Variants in FSD1L observed in about 807,000 individuals in gnomAD.
FSD1L encodes the protein fibronectin type III and SPRY domain containing 1 like.
A neutral mutation model predicts 71.6 loss-of-function variants in FSD1L; 45 were observed. The ratio of observed to expected loss-of-function variants is 0.63; its 90% CI spans 0.49 to 0.81. The LOEUF is 0.81. Among genes scored for constraint, FSD1L ranks in the 30% least tolerant of loss-of-function variants. The pLI is 0.00. For synonymous variants in FSD1L, 197 were observed against 207.2 expected (o/e 0.95, Z 0.42); for missense variants, 561 against 618.1 (o/e 0.91, Z 0.98).
chr9:105,466,199 A>G (rs901434652), intron 3 of FSD1L, among the ~76,000 whole-genome samples: 2 of 152,224 alleles, frequency 1.3e-5, no homozygotes, highest in South Asian at 2.1e-4. Context: ...AAAGATCTGT[A>G]TACTGAAAGC....
intron 7 of FSD1L, among the ~76,000 whole-genome samples, chr9:105,496,713 A>G (rs534375692): frequency 1.3e-5 from 2 of 152,364 alleles, no homozygotes; most frequent in East Asian, 1.9e-4. Flanking sequence ...TATACAGGAA[A>G]GTGGTAGGCC....
At chr9:105,488,272 A>G (rs1011155614) in intron 7 of FSD1L, among the ~76,000 whole-genome samples, 2 of 152,240 alleles carry the variant, frequency 1.3e-5, no homozygotes, top group African/African-American at 4.8e-5. Context: ...AGTTGGAATC[A>G]TATAGTAAGT....
chr9:105,502,731 A>G (rs75564606), intron 7 of FSD1L, among the ~76,000 whole-genome samples: 3,782 of 152,164 alleles, frequency 0.025, 174 homozygotes, highest in African/African-American at 0.087. Context: ...GGCTTTCAAC[A>G]ATGGCTTAAC....
intron 7 of FSD1L, among the ~76,000 whole-genome samples, chr9:105,499,760 T>A (rs144120988): frequency 1.4e-3 from 220 of 152,028 alleles, no homozygotes; most frequent in African/African-American, 4.6e-3. Context: ...CATTATTGTT[T>A]CAAATATATC....
At chr9:105,494,580 G>A (rs535694311) in intron 7 of FSD1L, among the ~76,000 whole-genome samples, 3 of 152,230 alleles carry the variant, frequency 2.0e-5, no homozygotes, top group African/African-American at 4.8e-5. Flanking sequence ...AGGCGCTCTG[G>A]TTTTTAGAGT....
In FSD1L at chr9:105,509,604, G is replaced by A. The variant is rs1284966898; in HGVS notation, c.895+889G>A. Among the ~76,000 whole-genome samples, 7 of 151,948 alleles carry A rather than the reference G, an allele frequency of 4.6e-5. No homozygotes were observed. The East Asian group carries it at 1.2e-3, about 25-fold the overall frequency. On this transcript the variant is annotated intron_variant, in intron 9 of 13. Transcript: ENST00000481272. ...AGCATTTGAATAGGTTTACCTGCCAGAAATTTGATTGGATTTGGAGGATGA... is the reference window on the plus strand; with the variant it reads ...AGCATTTGAATAGGTTTACCTGCCAAAAATTTGATTGGATTTGGAGGATGA...
At chr9:105,519,986 G>A (rs1049542477) in intron 10 of FSD1L, 61 of 1,371,184 alleles carry the variant, frequency 4.4e-5, no homozygotes, top group Non-Finnish European at 5.8e-5. Flanking sequence ...GGATCGGGGA[G>A]GAGTCGGCTC....
intron 10 of FSD1L, chr9:105,520,868 T>C (rs1835103520): frequency 6.2e-7 from 1 of 1,612,070 alleles, no homozygotes; most frequent in Admixed American, 1.7e-5. Flanking sequence ...GGCAAGAAGA[T>C]CTCACAAGCT....
intron 5 of FSD1L, among the ~76,000 whole-genome samples, chr9:105,478,100 C>T (rs773253901): frequency 1.3e-5 from 2 of 152,080 alleles, no homozygotes; most frequent in South Asian, 4.2e-4. Context: ...AAAAAATTTG[C>T]CGGGCGTGGT....
chr9:105,466,809 A>T (rs1831112374), intron 3 of FSD1L, among the ~76,000 whole-genome samples: 2 of 152,200 alleles, frequency 1.3e-5, no homozygotes, highest in Admixed American at 1.3e-4. Flanking sequence ...TGATCTGTGG[A>T]CAAGCGAATC....
chr9:105,524,162 A>G, intron 10 of FSD1L: 1 of 1,612,260 alleles, frequency 6.2e-7, no homozygotes, highest in Non-Finnish European at 8.5e-7. Context: ...GGATTTGTGA[A>G]GAACTAGTCC....
intron 10 of FSD1L, among the ~76,000 whole-genome samples, chr9:105,516,246 G>A (rs1834712831): frequency 6.6e-6 from 1 of 152,160 alleles, no homozygotes. Flanking sequence ...CTGGGGGAAG[G>A]GGCAACTGTG....
chr9:105,442,448 G>A, the FSD1L span, among the ~76,000 whole-genome samples: 2 of 152,046 alleles, frequency 1.3e-5, no homozygotes, highest in Non-Finnish European at 2.9e-5. Flanking sequence ...GGAGGCCAAG[G>A]TGGGCAGATT....
At chr9:105,481,453 T>TTG (rs1169305524) in intron 6 of FSD1L, among the ~76,000 whole-genome samples, 75 of 145,916 alleles carry the variant, frequency 5.1e-4, no homozygotes, top group African/African-American at 1.4e-3. Flanking sequence ...CCCAGCTAAT[T>TTG]TGTGTGTGTG....
At chr9:105,536,686 A>G (rs1470870535) in intron 12 of FSD1L, among the ~76,000 whole-genome samples, 1 of 151,936 alleles carries the variant, frequency 6.6e-6, no homozygotes, top group Non-Finnish European at 1.5e-5. Flanking sequence ...TCCAGGCTGG[A>G]GTGCAGTGGC....
At chr9:105,492,759 C>T (rs777444291) in intron 7 of FSD1L, among the ~76,000 whole-genome samples, 1 of 151,988 alleles carries the variant, frequency 6.6e-6, no homozygotes, top group Non-Finnish European at 1.5e-5. Context: ...TGTTATGTAC[C>T]CAGTAGTCAT....
rs562907733 is a variant in FSD1L at position 105,502,451 on chromosome 9, G to A, written c.587-3948G>A. ...TTACGTGTTGATTTATAGCAGTTGAGGCTTTAACTGTTTTCTATCCCCTTC... is the reference window on the plus strand; with the variant it reads ...TTACGTGTTGATTTATAGCAGTTGAAGCTTTAACTGTTTTCTATCCCCTTC... On this transcript the variant is annotated intron_variant, in intron 7 of 13. Coordinates refer to ENST00000481272, the MANE Select transcript of FSD1L (RefSeq NM_001145313.3). Among the ~76,000 whole-genome samples, 3 of 152,166 alleles carry A rather than the reference G, an allele frequency of 2.0e-5. No homozygotes were observed. The East Asian group carries it at 5.8e-4, about 29-fold the overall frequency.
intron 4 of FSD1L, among the ~76,000 whole-genome samples, chr9:105,469,038 A>G (rs916972056): frequency 2.4e-4 from 37 of 152,172 alleles, no homozygotes; most frequent in Admixed American, 1.1e-3. Flanking sequence ...TTTGTGACCT[A>G]TTTCCACTCA....
At position 105,508,721 on chromosome 9, in the gene FSD1L, A is replaced by ATG; in HGVS notation, c.895+7_895+8insGT. The ATG allele has an allele frequency of 6.7e-7, 1 of 1,495,030 alleles. No individual in the cohort carries two copies. 92.6% of individuals were successfully genotyped at this position (1,495,030 alleles called of 1,614,324 possible). A position where few individuals can be genotyped will look rare whatever the true frequency, so the allele number is the denominator to read the frequency against. On this transcript the variant is annotated splice_region_variant and intron_variant, in intron 9 of 13. Coordinates refer to ENST00000481272, the MANE Select transcript of FSD1L (RefSeq NM_001145313.3). ...AGTGACTCTAGAGACCAAAGGTGAG[A>ATG]TCAGTAGCTCTTTATACAGCATAAA...
Sources: gnomAD v4.1 joint callset for allele counts (sites outside exome capture counted in the v4.1 genomes callset) on GRCh38, gnomAD v4.1.1 for gene constraint, MANE v1.5 for transcripts, NCBI Gene and HGNC (gene_info 2026-07-23, HGNC 2026-07-21) for gene names.